Variants in RIT2 observed in about 807,000 individuals in gnomAD.
The protein encoded by RIT2 is GTP-binding protein Rit2.
Under a neutral mutation model 23.7 loss-of-function variants are expected in RIT2, and 24 were observed. The observed-to-expected ratio is 1.01, with a 90% CI of 0.73 to 1.43. The LOEUF (loss-of-function observed/expected upper bound fraction) is 1.43, where lower values mean the gene tolerates loss of function less well. Ranked by LOEUF, RIT2 falls within the 40% of genes most tolerant of loss-of-function variation. The probability of loss-of-function intolerance (pLI) is 0.00; values close to 1 mark genes in which losing one functional copy is unlikely to be tolerated. For missense variants in RIT2, 236 were observed against 266.9 expected (o/e 0.88, Z 0.81); for synonymous variants, 107 against 91.1 (o/e 1.17, Z -0.99).
At chr18:42,893,099 G>A (rs553513196) in intron 4 of RIT2, among the ~76,000 whole-genome samples, 13 of 151,876 alleles carry the variant, frequency 8.6e-5, no homozygotes, top group East Asian at 3.9e-4. Context: ...ATGGTGGTGC[G>A]TGCCTGTAAT....
chr18:42,903,123 C>T (rs1387980042), intron 4 of RIT2, among the ~76,000 whole-genome samples: 2 of 151,860 alleles, frequency 1.3e-5, no homozygotes, highest in Non-Finnish European at 2.9e-5. Context: ...GAATATGACA[C>T]CAACTAAGAA....
At chr18:42,905,977 AATATATATATATATGTATATATATATAT>A (rs1568026739) in intron 4 of RIT2, among the ~76,000 whole-genome samples, 6 of 134,616 alleles carry the variant, frequency 4.5e-5, no homozygotes, top group Non-Finnish European at 9.4e-5. Context: ...AGCAAATTGA[AATATATATATATATGTATATATATATAT>A]ACATATATAT....
At chr18:42,789,786 C>G (rs1373827060) in intron 4 of RIT2, among the ~76,000 whole-genome samples, 1 of 152,152 alleles carries the variant, frequency 6.6e-6, no homozygotes, top group Non-Finnish European at 1.5e-5. Context: ...ATTTGACTTC[C>G]TCTTTTCCAA....
intron 4 of RIT2, among the ~76,000 whole-genome samples, chr18:42,860,038 T>C (rs141868012): frequency 3.7e-4 from 56 of 152,294 alleles, no homozygotes; most frequent in African/African-American, 1.1e-3. Flanking sequence ...CCTCAGACAG[T>C]TGCACAGTTG....
chr18:43,044,803 T>C (rs1238696798), intron 1 of RIT2, among the ~76,000 whole-genome samples: 1 of 152,188 alleles, frequency 6.6e-6, no homozygotes, highest in Non-Finnish European at 1.5e-5. Flanking sequence ...ATCATTTCCC[T>C]GAGTGTTTTT....
intron 2 of RIT2, among the ~76,000 whole-genome samples, chr18:43,012,541 C>G (rs1054734962): frequency 6.6e-6 from 1 of 151,556 alleles, no homozygotes; most frequent in African/African-American, 2.4e-5. Flanking sequence ...AGGGTAGTAT[C>G]TGTATTTCTA....
intron 1 of RIT2, among the ~76,000 whole-genome samples, chr18:43,057,246 C>T (rs1439440939): frequency 6.6e-6 from 1 of 151,984 alleles, no homozygotes; most frequent in Non-Finnish European, 1.5e-5. Context: ...AATCAGTAGA[C>T]CTATTTTCTG....
intron 1 of RIT2, among the ~76,000 whole-genome samples, chr18:43,065,851 C>A (rs148445632): frequency 6.6e-6 from 1 of 151,988 alleles, no homozygotes; most frequent in African/African-American, 2.4e-5. Context: ...AGGTGGAAAA[C>A]TTCAGATATA....
chr18:42,926,156 C>G (rs979207261), intron 3 of RIT2, among the ~76,000 whole-genome samples: 2 of 151,720 alleles, frequency 1.3e-5, no homozygotes, highest in Non-Finnish European at 1.5e-5. Flanking sequence ...GAAATATTGC[C>G]AATCTCAATG....
In RIT2 at chr18:42,923,624, T is replaced by G; in HGVS notation, c.374A>C (p.Glu125Ala). 1 of 1,613,516 alleles carries G rather than the reference T, an allele frequency of 6.2e-7. No homozygotes were observed. The highest frequency in any genetic ancestry group is 1.1e-5 in the South Asian group (1 of 91,056). The change falls in exon 4 of 5, where the codon GAA becomes GCA. Residue 125 changes from glutamate to alanine, a missense_variant. Transcript: ENST00000326695. The part of the protein sequence containing the change: ...ELIFQVRHTY[E>A]IPLVLVGNKI... The stretch of plus-strand genomic sequence containing the variant: ...GTTACCCACCAGCACCAGGGGAATT[T>G]CATAGGTGTGGCGGACCTGAAAAAT...
intron 2 of RIT2, among the ~76,000 whole-genome samples, chr18:43,023,793 A>G (rs554607697): frequency 1.3e-5 from 2 of 152,078 alleles, no homozygotes; most frequent in Non-Finnish European, 2.9e-5. Context: ...GTGCTTTGAG[A>G]AAAAGAATAG....
At chr18:42,990,021 G>GTA (rs1420584355) in intron 2 of RIT2, among the ~76,000 whole-genome samples, 3 of 151,516 alleles carry the variant, frequency 2.0e-5, no homozygotes, top group South Asian at 2.1e-4. Context: ...GTGTGTGTGT[G>GTA]TGTGTGTGTG....
intron 2 of RIT2, among the ~76,000 whole-genome samples, chr18:43,026,620 G>GAAAGAAAGAA (rs1348684127): frequency 1.4e-4 from 20 of 141,850 alleles, no homozygotes; most frequent in Admixed American, 8.5e-4. Context: ...AAGAAAGAAA[G>GAAAGAAAGAA]AAAGAAAGAA....
intron 4 of RIT2, among the ~76,000 whole-genome samples, chr18:42,836,826 G>T (rs919180529): frequency 6.6e-6 from 1 of 152,098 alleles, no homozygotes; most frequent in African/African-American, 2.4e-5. Flanking sequence ...TTTTTAAGAT[G>T]CTTTCTGATT....
chr18:42,962,045 G>T (rs528692813), intron 3 of RIT2, among the ~76,000 whole-genome samples: 5 of 152,082 alleles, frequency 3.3e-5, no homozygotes, highest in African/African-American at 1.2e-4. Flanking sequence ...GTAAATTTCA[G>T]ATGTGAGAAT....
chr18:42,759,855 G>A (rs1246252204), intron 4 of RIT2, among the ~76,000 whole-genome samples: 2 of 151,160 alleles, frequency 1.3e-5, no homozygotes, highest in East Asian at 2.0e-4. Context: ...TCGGCTCACC[G>A]CAACCTCCGC....
intron 4 of RIT2, among the ~76,000 whole-genome samples, chr18:42,820,322 C>G (rs1041395279): frequency 6.6e-6 from 1 of 151,958 alleles, no homozygotes; most frequent in Non-Finnish European, 1.5e-5. Context: ...GGACCCTGAC[C>G]TCGAACAGAA....
At chr18:42,827,142 C>T (rs1439796586) in intron 4 of RIT2, among the ~76,000 whole-genome samples, 1 of 152,014 alleles carries the variant, frequency 6.6e-6, no homozygotes, top group African/African-American at 2.4e-5. Context: ...TAATGAGAAC[C>T]ATACAGTATT....
intron 3 of RIT2, among the ~76,000 whole-genome samples, chr18:42,958,245 A>G (rs1264242649): frequency 6.6e-6 from 1 of 152,220 alleles, no homozygotes; most frequent in Non-Finnish European, 1.5e-5. Context: ...GTAATTTTGC[A>G]TTAGCATCCC....
Sources: allele counts gnomAD v4.1 joint callset (sites outside exome capture counted in the v4.1 genomes callset), GRCh38; gene constraint gnomAD v4.1.1; transcripts MANE v1.5; gene names NCBI Gene and HGNC (gene_info 2026-07-23, HGNC 2026-07-21).